Variants in KIAA1671 observed in about 807,000 individuals in gnomAD.
The protein encoded by KIAA1671 is KIAA1671.
In KIAA1671, 52 loss-of-function variants were observed where a neutral mutation model predicts 131.2. The ratio of observed to expected loss-of-function variants is 0.40; its 90% CI spans 0.32 to 0.50. The LOEUF is 0.50. KIAA1671 is among the 20% of genes least tolerant of loss of function. The pLI is 0.73. For synonymous variants in KIAA1671, 1,003 were observed against 961.6 expected (o/e 1.04, Z -0.80); for missense variants, 2,360 against 2,364.2 (o/e 1.00, Z 0.04).
chr22:25,115,732 C>G (rs1931618384), intron 6 of KIAA1671, among the ~76,000 whole-genome samples: 1 of 152,160 alleles, frequency 6.6e-6, no homozygotes, highest in South Asian at 2.1e-4. Flanking sequence ...ATATAACTTG[C>G]ATGTCTTCAT....
At chr22:25,160,048 C>T (rs956662224) in intron 6 of KIAA1671, among the ~76,000 whole-genome samples, 2 of 152,202 alleles carry the variant, frequency 1.3e-5, no homozygotes, top group African/African-American at 4.8e-5. Flanking sequence ...TTTACACTGA[C>T]AGTTCACGCA....
intron 6 of KIAA1671, among the ~76,000 whole-genome samples, chr22:25,106,543 G>A (rs774379090): frequency 3.9e-5 from 6 of 152,148 alleles, no homozygotes; most frequent in Non-Finnish European, 7.4e-5. Flanking sequence ...CTTGTTCACC[G>A]TCACACAGCT....
intron 8 of KIAA1671, chr22:25,175,598 C>T (rs1024503621): frequency 6.6e-6 from 1 of 152,220 alleles, no homozygotes; most frequent in African/African-American, 2.4e-5. Context: ...ACTCAACAGA[C>T]ATGTATTGAG....
At chr22:25,181,280 T>G (rs1934264313) in intron 9 of KIAA1671, among the ~76,000 whole-genome samples, 1 of 152,182 alleles carries the variant, frequency 6.6e-6, no homozygotes, top group South Asian at 2.1e-4. Context: ...CTGGTCCACC[T>G]TTGGGCCGCC....
At chr22:25,025,187 G>T (rs1925876648) in intron 1 of KIAA1671, among the ~76,000 whole-genome samples, 1 of 72,698 alleles carries the variant, frequency 1.4e-5, no homozygotes, top group African/African-American at 4.8e-5. Context: ...ATGCTCAGTA[G>T]CTACCTCCTC....
At chr22:25,143,758 T>C (rs963425566) in intron 6 of KIAA1671, among the ~76,000 whole-genome samples, 31 of 152,210 alleles carry the variant, frequency 2.0e-4, no homozygotes, top group Non-Finnish European at 4.3e-4. Flanking sequence ...CCTAGGAGTC[T>C]AGAAACCTGG....
chr22:24,970,931 A>G (rs930545775), intron 1 of KIAA1671, among the ~76,000 whole-genome samples: 1 of 152,068 alleles, frequency 6.6e-6, no homozygotes, highest in Non-Finnish European at 1.5e-5. Context: ...CAATCATCGT[A>G]ATCAACTGTA....
At chr22:25,018,307 C>T (rs1267902616) in intron 1 of KIAA1671, among the ~76,000 whole-genome samples, 1 of 143,666 alleles carries the variant, frequency 7.0e-6, no homozygotes, top group East Asian at 2.0e-4. Flanking sequence ...AGGGCATGGG[C>T]CCCCCGACGT....
In KIAA1671 at chr22:25,039,904, C is replaced by T. The variant is rs866957194; in HGVS notation, c.2774C>T (p.Ala925Val). 1.8e-4 allele frequency: 283 copies of T among 1,551,560 alleles called. 1 individual carries two copies. The African/African-American group carries it at 3.4e-3, about 19-fold the overall frequency. Reference sequence around the variant, plus strand: ...GCCAGGGAGGGTGATCCAGGGCCGGCCCAGGTGCCACAGCCTGCAGTCAGA... The same window carrying T: ...GCCAGGGAGGGTGATCCAGGGCCGGTCCAGGTGCCACAGCCTGCAGTCAGA... ...VAAREGDPGP[A>V]QVPQPAVRMR... The change falls in exon 5 of 13, where the codon GCC (alanine) becomes GTC (valine). Residue 925 changes from alanine to valine, a missense_variant. By Grantham distance (64) the Ala-to-Val change is moderately conservative. Transcript: ENST00000358431.
intron 6 of KIAA1671, among the ~76,000 whole-genome samples, chr22:25,129,217 T>C (rs1932321586): frequency 6.6e-6 from 1 of 152,114 alleles, no homozygotes; most frequent in South Asian, 2.1e-4. Context: ...GACTAGTTAG[T>C]GCTAAAAGCA....
intron 6 of KIAA1671, among the ~76,000 whole-genome samples, chr22:25,127,966 CAG>C (rs1555881354): frequency 3.9e-5 from 6 of 152,172 alleles, no homozygotes; most frequent in Non-Finnish European, 4.4e-5. Flanking sequence ...GAGGAGACAA[CAG>C]GGGTACAGAT....
intron 6 of KIAA1671, chr22:25,061,973 CTGT>C (rs1928182401): frequency 6.6e-6 from 1 of 152,348 alleles, no homozygotes; most frequent in East Asian, 1.9e-4. Flanking sequence ...TCTCTTCCTC[CTGT>C]TTTTTCTCCT....
intron 1 of KIAA1671, among the ~76,000 whole-genome samples, chr22:24,956,703 A>T (rs1258807760): frequency 6.6e-6 from 1 of 151,444 alleles, no homozygotes; most frequent in Non-Finnish European, 1.5e-5. Context: ...CGTGTCTACT[A>T]AAAATACGAA....
At chr22:25,177,283 G>A (rs928388322) in intron 8 of KIAA1671, 65 bp from the exon 9 acceptor site, 1 of 1,448,396 alleles carries the variant, frequency 6.9e-7, no homozygotes, top group African/African-American at 1.4e-5. Flanking sequence ...CGCCAACTGT[G>A]TTGTGGTACC....
At chr22:25,152,805 A>G (rs1312701236) in intron 6 of KIAA1671, among the ~76,000 whole-genome samples, 2 of 152,088 alleles carry the variant, frequency 1.3e-5, no homozygotes, top group South Asian at 2.1e-4. Context: ...GGGTTTCACC[A>G]TGTTGGCCAG....
At chr22:25,022,675 T>G (rs1007205695) in intron 1 of KIAA1671, 2 of 152,292 alleles carry the variant, frequency 1.3e-5, no homozygotes, top group Admixed American at 1.3e-4. Flanking sequence ...AGAGAAACAC[T>G]CATTGCTAGC....
intron 6 of KIAA1671, among the ~76,000 whole-genome samples, chr22:25,120,173 C>T (rs1931863339): frequency 6.6e-6 from 1 of 152,210 alleles, no homozygotes; most frequent in Non-Finnish European, 1.5e-5. Flanking sequence ...GTGCCAACTG[C>T]CAACTGCCAC....
chr22:25,161,679 C>T (rs890768483), intron 6 of KIAA1671, among the ~76,000 whole-genome samples: 1 of 152,194 alleles, frequency 6.6e-6, no homozygotes, highest in Admixed American at 6.5e-5. Context: ...TCTGAAAAGA[C>T]GGTCCTGACA....
chr22:25,156,323 C>T (rs886752488), intron 6 of KIAA1671, among the ~76,000 whole-genome samples: 5 of 151,472 alleles, frequency 3.3e-5, no homozygotes, highest in Admixed American at 1.3e-4. Flanking sequence ...CCGTGCCTGG[C>T]CTGTATGTGC....
Sources: gnomAD v4.1 joint callset for allele counts (sites outside exome capture counted in the v4.1 genomes callset) on GRCh38, gnomAD v4.1.1 for gene constraint, MANE v1.5 for transcripts, NCBI Gene and HGNC (gene_info 2026-07-23, HGNC 2026-07-21) for gene names.